Variants in PEPD observed in about 807,000 individuals in gnomAD.
PEPD encodes xaa-Pro dipeptidase.
PEPD carries 53 observed loss-of-function variants against 60.7 expected under a neutral mutation model. The observed-to-expected ratio is 0.87, with a 90% CI of 0.70 to 1.10. The LOEUF (loss-of-function observed/expected upper bound fraction) is 1.10. Among genes scored for constraint, PEPD ranks in the 50% least tolerant of loss-of-function variants. The pLI is 0.00. For synonymous variants in PEPD, 267 were observed against 284.1 expected (o/e 0.94, Z 0.60); for missense variants, 711 against 711.9 (o/e 1.00, Z 0.01).
chr19:33,480,623 C>T (rs1600149256), intron 6 of PEPD, among the ~76,000 whole-genome samples: 1 of 152,186 alleles, frequency 6.6e-6, no homozygotes, highest in East Asian at 1.9e-4. Flanking sequence ...GGTGAAAACC[C>T]GTCTCTACTG....
chr19:33,521,731 G>A lies in PEPD; in HGVS notation c.17+13C>T. The A allele has an allele frequency of 6.3e-7, 1 of 1,580,394 alleles. No individual in the cohort carries two copies. Among genetic ancestry groups the A allele is most frequent in the Non-Finnish European group, 8.6e-7 (1 of 1,168,382 alleles). On this transcript the variant is annotated intron_variant, in intron 1 of 14. Coordinates refer to ENST00000244137, the MANE Select transcript of PEPD (RefSeq NM_000285.4). ...ACGCCAGCGGGAAAGAGCGAGGGAG[G>A]CGCAGCACTCACCCGGTGGCCGCCG...
chr19:33,419,822 C>T (rs975876431), intron 9 of PEPD, among the ~76,000 whole-genome samples: 3 of 151,898 alleles, frequency 2.0e-5, no homozygotes, highest in African/African-American at 7.2e-5. Flanking sequence ...GGCGAAGGAG[C>T]CCCAGGCCAG....
At chr19:33,418,607 G>A (rs1421650288) in intron 9 of PEPD, among the ~76,000 whole-genome samples, 1 of 152,202 alleles carries the variant, frequency 6.6e-6, no homozygotes, top group Non-Finnish European at 1.5e-5. Flanking sequence ...CCTTGGAATC[G>A]CCGCCTGGGT....
chr19:33,429,082 G>A (rs1454138745), intron 9 of PEPD, among the ~76,000 whole-genome samples: 2 of 152,144 alleles, frequency 1.3e-5, no homozygotes, highest in African/African-American at 2.4e-5. Context: ...GAAATGACAT[G>A]TGCTGCTTCC....
intron 6 of PEPD, among the ~76,000 whole-genome samples, 175 bp from the exon 7 acceptor site, chr19:33,478,265 G>A (rs1324089711): frequency 6.6e-6 from 1 of 152,196 alleles, no homozygotes; most frequent in East Asian, 1.9e-4. Flanking sequence ...AGACCTGGCA[G>A]CCTGGGCCAT....
At chr19:33,430,286 T>G (rs1376501338) in intron 9 of PEPD, among the ~76,000 whole-genome samples, 1 of 152,114 alleles carries the variant, frequency 6.6e-6, no homozygotes, top group Non-Finnish European at 1.5e-5. Context: ...AGCAATTCCA[T>G]TTGCAGGAGT....
At chr19:33,427,868 C>T (rs1969184082) in intron 9 of PEPD, among the ~76,000 whole-genome samples, 1 of 152,200 alleles carries the variant, frequency 6.6e-6, no homozygotes, top group Non-Finnish European at 1.5e-5. Context: ...CACTACTCCC[C>T]AAAGCCAGTA....
intron 9 of PEPD, among the ~76,000 whole-genome samples, chr19:33,455,643 T>C (rs1107150): frequency 0.42 from 63,183 of 150,688 alleles, 14,089 homozygotes; most frequent in African/African-American, 0.58. Context: ...GCTGGGACTA[T>C]AGGGGTGCGT....
In PEPD at chr19:33,413,504, GCCCC is replaced by G. The variant is rs1207532089; in HGVS notation, c.740+67_740+70del. The stretch of plus-strand genomic sequence containing the variant: ...TGTGGCTGAGCTGGGGGATGGTGGA[GCCCC>G]CCACTCACTAACTGCCCTACCTCCT... On this transcript the variant is annotated intron_variant, in intron 10 of 14. Transcript: ENST00000244137. 44 of 833,076 alleles carry G rather than the reference GCCCC, an allele frequency of 5.3e-5. 1 individual carries two copies. The South Asian group carries it at 6.3e-4, about 12-fold the overall frequency. 51.6% of individuals were successfully genotyped at this position (833,076 alleles called of 1,614,324 possible). A position where few individuals can be genotyped will look rare whatever the true frequency, so the allele number is the denominator to read the frequency against.
intron 2 of PEPD, 151 bp from the exon 3 acceptor site, chr19:33,511,306 C>T (rs1178975153): frequency 1.3e-5 from 10 of 751,756 alleles, no homozygotes; most frequent in South Asian, 1.1e-4. Flanking sequence ...CCTCAGCACT[C>T]GACTCCCCAG....
chr19:33,409,342 G>C (rs1252928079), intron 11 of PEPD, among the ~76,000 whole-genome samples: 2 of 152,228 alleles, frequency 1.3e-5, no homozygotes, highest in Admixed American at 1.3e-4. Flanking sequence ...TCCAGGCCCA[G>C]CCAGAATGCG....
chr19:33,387,895 CA>C lies in PEPD; in HGVS notation c.1338del (p.Phe446LeufsTer12). The C allele has an allele frequency of 6.4e-7, 1 of 1,567,304 alleles. No individual in the cohort carries two copies. The highest frequency in any genetic ancestry group is 8.6e-7 in the Non-Finnish European group (1 of 1,156,630). On this transcript the variant is annotated frameshift_variant, in exon 14 of 15. Coordinates refer to ENST00000244137, the MANE Select transcript of PEPD (RefSeq NM_000285.4). LOFTEE classifies it high-confidence loss of function. ...TGGGGCCCGTGGGCACTCACCCCGC[CA>C]AAACCGCGAAAGCGCTGCAGGACCT... The part of the protein sequence containing the change: ...NREVLQRFRG[F>X]GGVRIEEDVV...
intron 7 of PEPD, among the ~76,000 whole-genome samples, chr19:33,468,783 G>A (rs1315012684): frequency 6.6e-6 from 1 of 152,212 alleles, no homozygotes; most frequent in East Asian, 1.9e-4. Flanking sequence ...TTTCTCGAAT[G>A]AACGCCCTTT....
chr19:33,412,664 C>A (rs1225935615), intron 10 of PEPD, among the ~76,000 whole-genome samples: 2 of 152,228 alleles, frequency 1.3e-5, no homozygotes, highest in Admixed American at 1.3e-4. Context: ...TCTTGGGAAT[C>A]ATAAAAGTAG....
At chr19:33,499,170 C>T (rs557918159) in intron 4 of PEPD, among the ~76,000 whole-genome samples, 2 of 152,098 alleles carry the variant, frequency 1.3e-5, no homozygotes, top group Non-Finnish European at 2.9e-5. Flanking sequence ...TCAACGGGAT[C>T]AATATGATAG....
chr19:33,457,458 G>A (rs773040966), intron 9 of PEPD, among the ~76,000 whole-genome samples: 30 of 152,274 alleles, frequency 2.0e-4, no homozygotes, highest in African/African-American at 7.0e-4. Flanking sequence ...GCAGGGATGA[G>A]GGGGGCTGCC....
chr19:33,502,413 C>G (rs369515303), intron 3 of PEPD, among the ~76,000 whole-genome samples: 1 of 152,044 alleles, frequency 6.6e-6, no homozygotes. Flanking sequence ...GGTCGGGAGG[C>G]GTTAGGGCTT....
intron 4 of PEPD, among the ~76,000 whole-genome samples, chr19:33,495,078 G>A (rs898866694): frequency 6.6e-6 from 1 of 151,842 alleles, no homozygotes; most frequent in Non-Finnish European, 1.5e-5. Flanking sequence ...GGAGCTTGCA[G>A]TGAGCCAAGA....
intron 9 of PEPD, among the ~76,000 whole-genome samples, chr19:33,418,511 T>C (rs905966644): frequency 6.6e-6 from 1 of 152,216 alleles, no homozygotes; most frequent in African/African-American, 2.4e-5. Context: ...TGAATTCCCA[T>C]GGAAGGAGGG....
Sources: gnomAD v4.1 joint callset for allele counts (sites outside exome capture counted in the v4.1 genomes callset) on GRCh38, gnomAD v4.1.1 for gene constraint, MANE v1.5 for transcripts, NCBI Gene and HGNC (gene_info 2026-07-23, HGNC 2026-07-21) for gene names.